The following CNTLN variants were observed in gnomAD, a reference collection of about 807,000 sequenced individuals.
CNTLN encodes centlein.
CNTLN carries 212 observed loss-of-function variants against 180.0 expected under a neutral mutation model. That is an observed-to-expected ratio of 1.18 (90% CI 1.05 to 1.32). The LOEUF (loss-of-function observed/expected upper bound fraction) is 1.32. Ranked by LOEUF, CNTLN falls within the 40% of genes most tolerant of loss-of-function variation. CNTLN has a pLI of 0.00. For synonymous variants in CNTLN, 722 were observed against 563.1 expected (o/e 1.28, Z -3.99); for missense variants, 2,095 against 1,610.9 (o/e 1.30, Z -5.14).
chr9:17,348,671 TAGGC>T (rs1822119315), intron 12 of CNTLN, among the ~76,000 whole-genome samples: 1 of 151,856 alleles, frequency 6.6e-6, no homozygotes, highest in South Asian at 2.1e-4. Context: ...GCTGGGATTA[TAGGC>T]ATGCGTCACC....
chr9:17,318,113 C>T (rs955348448), intron 8 of CNTLN, among the ~76,000 whole-genome samples: 4 of 151,476 alleles, frequency 2.6e-5, no homozygotes, highest in African/African-American at 7.3e-5. Context: ...CTGCAAGCTC[C>T]GCCTCCCAGG....
intron 2 of CNTLN, among the ~76,000 whole-genome samples, chr9:17,177,578 G>A (rs1369698515): frequency 6.6e-6 from 1 of 152,064 alleles, no homozygotes; most frequent in African/African-American, 2.4e-5. Flanking sequence ...GGATATGTTC[G>A]GAGTTTCTTC....
chr9:17,316,521 C>T (rs574995642), intron 8 of CNTLN, among the ~76,000 whole-genome samples: 96 of 151,984 alleles, frequency 6.3e-4, no homozygotes, highest in African/African-American at 2.2e-3. Context: ...ATATTTTCAG[C>T]TTATAATTGG....
At chr9:17,293,825 G>A (rs1056641261) in intron 6 of CNTLN, among the ~76,000 whole-genome samples, 22 of 152,138 alleles carry the variant, frequency 1.4e-4, no homozygotes, top group African/African-American at 5.3e-4. Flanking sequence ...CCGAGAATCT[G>A]GACAGCTCTG....
intron 18 of CNTLN, among the ~76,000 whole-genome samples, chr9:17,436,009 A>G (rs542420023): frequency 2.0e-5 from 3 of 152,244 alleles, no homozygotes; most frequent in Admixed American, 1.3e-4. Context: ...AGAGAAACAA[A>G]TAAATGTATT....
intron 12 of CNTLN, among the ~76,000 whole-genome samples, chr9:17,347,844 T>TA (rs1272565100): frequency 6.6e-6 from 1 of 152,080 alleles, no homozygotes; most frequent in Non-Finnish European, 1.5e-5. Flanking sequence ...TTTATATATA[T>TA]TTTTTGAGAC....
intron 7 of CNTLN, 105 bp from the exon 8 acceptor site, chr9:17,308,951 CTG>C (rs1685625657): frequency 1.8e-6 from 1 of 561,958 alleles, no homozygotes; most frequent in African/African-American, 2.0e-5. Context: ...AGGGCAAGAA[CTG>C]TGTTTATACA....
At chr9:17,279,600 A>C (rs1369149875) in intron 6 of CNTLN, among the ~76,000 whole-genome samples, 1 of 151,400 alleles carries the variant, frequency 6.6e-6, no homozygotes, top group Admixed American at 6.6e-5. Context: ...AAGAAGCCAT[A>C]GATCTTTGTT....
chr9:17,318,436 G>C (rs12337154), intron 8 of CNTLN, among the ~76,000 whole-genome samples: 90,399 of 151,996 alleles, frequency 0.59, 27,166 homozygotes, highest in East Asian at 0.73. Flanking sequence ...TTGTAATAGT[G>C]CAGGCAGAAC....
chr9:17,161,984 A>G (rs977495741), intron 2 of CNTLN, among the ~76,000 whole-genome samples: 5 of 151,346 alleles, frequency 3.3e-5, no homozygotes, highest in Admixed American at 1.3e-4. Flanking sequence ...TTTGACATCT[A>G]TTTGTCTTAG....
chr9:17,333,014 CA>C (rs1820747426), intron 10 of CNTLN, among the ~76,000 whole-genome samples: 1 of 151,942 alleles, frequency 6.6e-6, no homozygotes, highest in Admixed American at 6.6e-5. Context: ...TTCCCAAAGG[CA>C]AAAAATAGAA....
At chr9:17,371,096 A>G (rs1824280883) in intron 13 of CNTLN, among the ~76,000 whole-genome samples, 1 of 152,188 alleles carries the variant, frequency 6.6e-6, no homozygotes, top group Non-Finnish European at 1.5e-5. Flanking sequence ...GGAAACCAAC[A>G]ACAAAATGGT....
intron 6 of CNTLN, among the ~76,000 whole-genome samples, chr9:17,276,478 C>T (rs746230541): frequency 3.3e-5 from 5 of 152,040 alleles, no homozygotes; most frequent in Non-Finnish European, 5.9e-5. Context: ...AATGATGGAG[C>T]TACTGTTTCT....
intron 16 of CNTLN, among the ~76,000 whole-genome samples, chr9:17,410,921 T>A (rs1409988272): frequency 6.6e-6 from 1 of 152,208 alleles, no homozygotes; most frequent in Non-Finnish European, 1.5e-5. Flanking sequence ...ATTTTAGTAG[T>A]CTTGATTGCA....
chr9:17,330,114 A>G (rs1241078448), intron 8 of CNTLN, among the ~76,000 whole-genome samples: 1 of 152,036 alleles, frequency 6.6e-6, no homozygotes, highest in Non-Finnish European at 1.5e-5. Context: ...ATAAATTTCA[A>G]AGGAGAATGC....
chr9:17,440,725 G>A (rs537781472), intron 18 of CNTLN, among the ~76,000 whole-genome samples: 8 of 152,312 alleles, frequency 5.3e-5, no homozygotes, highest in African/African-American at 1.9e-4. Flanking sequence ...AAAAACTGTG[G>A]TGTATCCATG....
chr9:17,513,036 G>A, the CNTLN span, among the ~76,000 whole-genome samples: 1 of 152,064 alleles, frequency 6.6e-6, no homozygotes, highest in African/African-American at 2.4e-5. Flanking sequence ...AGCCAGAATG[G>A]TCTCAAACTC....
intron 13 of CNTLN, among the ~76,000 whole-genome samples, chr9:17,375,967 G>A (rs1384305740): frequency 6.6e-6 from 1 of 152,016 alleles, no homozygotes; most frequent in Non-Finnish European, 1.5e-5. Flanking sequence ...TGTACTTTTA[G>A]GTTTTGACAA....
At chr9:17,137,789 T>G (rs1817820952) in intron 1 of CNTLN, among the ~76,000 whole-genome samples, 1 of 152,194 alleles carries the variant, frequency 6.6e-6, no homozygotes, top group African/African-American at 2.4e-5. Context: ...TAATTCCCCA[T>G]ACCATTCTAC....
Sources: gnomAD v4.1 joint callset for allele counts (sites outside exome capture counted in the v4.1 genomes callset) on GRCh38, gnomAD v4.1.1 for gene constraint, MANE v1.5 for transcripts, NCBI Gene and HGNC (gene_info 2026-07-23, HGNC 2026-07-21) for gene names.